STXBP6: variants seen among roughly 807,000 people sequenced by gnomAD.
The protein encoded by STXBP6 is syntaxin binding protein 6.
A neutral mutation model predicts 26.9 loss-of-function variants in STXBP6; 21 were observed. The ratio of observed to expected loss-of-function variants is 0.78; its 90% CI spans 0.55 to 1.12. The LOEUF (loss-of-function observed/expected upper bound fraction) is 1.12. Ranked by LOEUF, STXBP6 falls within the 50% of genes most tolerant of loss-of-function variation. The pLI, the probability that STXBP6 is intolerant of heterozygous loss-of-function variation, is 0.00. For missense variants in STXBP6, 232 were observed against 257.9 expected (o/e 0.90, Z 0.69); for synonymous variants, 97 against 92.6 (o/e 1.05, Z -0.27).
intron 1 of STXBP6, among the ~76,000 whole-genome samples, chr14:24,998,277 G>A (rs1348848131): frequency 6.6e-6 from 1 of 152,128 alleles, no homozygotes; most frequent in Non-Finnish European, 1.5e-5. Flanking sequence ...GTATATGGTT[G>A]TCTAGGAAGT....
Position 24,974,747 on chromosome 14 carries a change from T to C in STXBP6, c.72A>G (p.Gln24=). The part of the protein sequence containing the change: ...PLDERMLGAV[Q]VKRRTKKKIP... Reference sequence around the variant, plus strand: ...TCTTTTTCTTTGTCCTCCTCTTGACTTGGACAGCTCCCAGCATCCTTTCAT... The same window carrying C: ...TCTTTTTCTTTGTCCTCCTCTTGACCTGGACAGCTCCCAGCATCCTTTCAT... Residue 24 remains glutamine (Q), a synonymous_variant, in exon 2 of 6, where the codon CAA becomes CAG. Transcript: ENST00000323944. The C allele has an allele frequency of 6.2e-7, 1 of 1,602,034 alleles. No individual in the cohort carries two copies. Among genetic ancestry groups the C allele is most frequent in the Non-Finnish European group, 8.5e-7 (1 of 1,172,902 alleles).
intron 1 of STXBP6, among the ~76,000 whole-genome samples, chr14:25,028,215 T>C (rs923293049): frequency 1.3e-5 from 2 of 152,206 alleles, no homozygotes; most frequent in African/African-American, 4.8e-5. Flanking sequence ...CAGCCCTATA[T>C]TGGAAGAAAA....
chr14:24,905,501 C>G (rs2071356907), intron 2 of STXBP6, among the ~76,000 whole-genome samples: 1 of 152,172 alleles, frequency 6.6e-6, no homozygotes, highest in African/African-American at 2.4e-5. Context: ...CTCTCCTATT[C>G]CTGCCTGTCT....
At chr14:24,838,011 A>G (rs1247393205) in intron 4 of STXBP6, among the ~76,000 whole-genome samples, 1 of 152,216 alleles carries the variant, frequency 6.6e-6, no homozygotes, top group Non-Finnish European at 1.5e-5. Flanking sequence ...TTCCCAACTG[A>G]GAGCTTCACT....
chr14:24,987,932 A>G (rs2074373965), intron 1 of STXBP6: 1 of 966,918 alleles, frequency 1.0e-6, no homozygotes, highest in Non-Finnish European at 1.2e-6. Context: ...TACTGAGGAG[A>G]AGAAGAGCAA....
intron 2 of STXBP6, among the ~76,000 whole-genome samples, chr14:24,881,111 T>C (rs569183282): frequency 6.6e-6 from 1 of 152,164 alleles, no homozygotes; most frequent in East Asian, 1.9e-4. Context: ...AGAGGTTTGA[T>C]CTGCTTCTGT....
At chr14:24,851,401 C>G (rs1410627344) in intron 4 of STXBP6, among the ~76,000 whole-genome samples, 1 of 146,242 alleles carries the variant, frequency 6.8e-6, no homozygotes, top group African/African-American at 2.5e-5. Context: ...CCCAACCCCA[C>G]AACAGGCCCC....
chr14:25,007,818 G>T (rs551493354), intron 1 of STXBP6, among the ~76,000 whole-genome samples: 1 of 152,096 alleles, frequency 6.6e-6, no homozygotes, highest in Non-Finnish European at 1.5e-5. Context: ...ATCTCAAAAG[G>T]AGGTCTCACA....
At chr14:24,915,953 T>C (rs1000150705) in intron 2 of STXBP6, among the ~76,000 whole-genome samples, 5 of 152,156 alleles carry the variant, frequency 3.3e-5, no homozygotes, top group Admixed American at 1.3e-4. Flanking sequence ...AACAGACAGA[T>C]AGATGCCTAT....
At chr14:24,908,597 A>G (rs2071462823) in intron 2 of STXBP6, among the ~76,000 whole-genome samples, 1 of 152,132 alleles carries the variant, frequency 6.6e-6, no homozygotes, top group South Asian at 2.1e-4. Flanking sequence ...CCTCAATTGC[A>G]TCAAACATTT....
intron 4 of STXBP6, among the ~76,000 whole-genome samples, chr14:24,845,458 A>C (rs970083246): frequency 6.6e-6 from 1 of 152,224 alleles, no homozygotes; most frequent in Non-Finnish European, 1.5e-5. Flanking sequence ...ATATTACAGA[A>C]CATGGCAAGC....
chr14:24,900,613 C>T (rs1167014790), intron 2 of STXBP6, among the ~76,000 whole-genome samples: 3 of 152,172 alleles, frequency 2.0e-5, no homozygotes, highest in African/African-American at 7.2e-5. Context: ...GAAAGTTCTA[C>T]AAAATTATTC....
At position 24,934,920 on chromosome 14, in the gene STXBP6, T is replaced by TA. The variant is rs950763318; in HGVS notation, c.154+39744dup. ...CCTTAAGTGATATTAATACTCTTTT[T>TA]AAAAAAAATCTCAAAAAATACTTGA... On this transcript the variant is annotated intron_variant, in intron 2 of 5. Coordinates refer to ENST00000323944, the MANE Select transcript of STXBP6 (RefSeq NM_001394410.1). 9.9e-5 allele frequency among the ~76,000 whole-genome samples: 15 copies of TA among 152,074 alleles called. 2 individuals carry two copies. Among genetic ancestry groups the TA allele is most frequent in the Admixed American group, 3.9e-4 (6 of 15,272 alleles).
chr14:24,944,384 T>A (rs2072907485), intron 2 of STXBP6, among the ~76,000 whole-genome samples: 1 of 152,184 alleles, frequency 6.6e-6, no homozygotes, highest in Non-Finnish European at 1.5e-5. Context: ...TAACTAAAGT[T>A]ATTTTTAAAC....
At chr14:24,916,602 T>G (rs1288835626) in intron 2 of STXBP6, among the ~76,000 whole-genome samples, 1 of 152,138 alleles carries the variant, frequency 6.6e-6, no homozygotes, top group Non-Finnish European at 1.5e-5. Flanking sequence ...TGTTTTGTTT[T>G]ATTTAAAGAA....
At position 24,968,170 on chromosome 14, in the gene STXBP6, A is replaced by AATATAT. The variant is rs72223372; in HGVS notation, c.154+6489_154+6494dup. On this transcript the variant is annotated intron_variant, in intron 2 of 5. Transcript: ENST00000323944. Reference sequence around the variant, plus strand: ...AATATTCACTATTTATATAATAAAGAATATATATATATATATATATAAAAT... The same window carrying AATATAT: ...AATATTCACTATTTATATAATAAAGAATATATATATATATATATATATATATAAAAT... Among the ~76,000 whole-genome samples the AATATAT allele has an allele frequency of 2.7e-3, 392 of 144,348 alleles. 4 individuals carry two copies. Among genetic ancestry groups the AATATAT allele is most frequent in the African/African-American group, 7.9e-3 (311 of 39,368 alleles). 94.7% of individuals were successfully genotyped at this position (144,348 alleles called of 152,430 possible).
chr14:24,818,272 C>A (rs377329059), intron 5 of STXBP6, among the ~76,000 whole-genome samples: 1 of 152,192 alleles, frequency 6.6e-6, no homozygotes, highest in Non-Finnish European at 1.5e-5. Flanking sequence ...TATCACCTGA[C>A]CAACAGGGCC....
At chr14:24,892,946 C>T (rs1027707287) in intron 2 of STXBP6, among the ~76,000 whole-genome samples, 1 of 152,206 alleles carries the variant, frequency 6.6e-6, no homozygotes, top group African/African-American at 2.4e-5. Context: ...TCATTTTCCA[C>T]ATTCCGCTGC....
intron 2 of STXBP6, among the ~76,000 whole-genome samples, chr14:24,866,438 C>T (rs745728081): frequency 2.6e-5 from 4 of 151,804 alleles, no homozygotes; most frequent in East Asian, 3.9e-4. Flanking sequence ...TGTGTATATG[C>T]GTGTGTATAT....
Sources: gnomAD v4.1 joint callset for allele counts (sites outside exome capture counted in the v4.1 genomes callset) on GRCh38, gnomAD v4.1.1 for gene constraint, MANE v1.5 for transcripts, NCBI Gene and HGNC (gene_info 2026-07-23, HGNC 2026-07-21) for gene names.